Variants in CCDC141 observed in about 807,000 individuals in gnomAD.
CCDC141 encodes coiled-coil domain-containing protein 141.
A neutral mutation model predicts 181.0 loss-of-function variants in CCDC141; 168 were observed. The ratio of observed to expected loss-of-function variants is 0.93; its 90% CI spans 0.82 to 1.05. CCDC141 has a LOEUF of 1.05. Ranked by LOEUF, CCDC141 falls within the 50% of genes least tolerant of loss-of-function variation. The probability of loss-of-function intolerance (pLI) is 0.00; values close to 1 mark genes in which losing one functional copy is unlikely to be tolerated. For synonymous variants in CCDC141, 666 were observed against 642.3 expected, an observed-to-expected ratio of 1.04 and a Z score of -0.56; for missense variants, 1,902 against 1,788.5, an observed-to-expected ratio of 1.06 and a Z score of -1.14.
intron 6 of CCDC141, among the ~76,000 whole-genome samples, chr2:178,919,735 A>G (rs994149617): frequency 1.3e-5 from 2 of 152,214 alleles, no homozygotes; most frequent in East Asian, 3.8e-4. Flanking sequence ...GTCTGCCTAC[A>G]ATTACAGCTA....
intron 15 of CCDC141, among the ~76,000 whole-genome samples, chr2:178,868,627 A>AT (rs893225984): frequency 6.6e-6 from 1 of 151,098 alleles, no homozygotes; most frequent in African/African-American, 2.4e-5. Context: ...AAAAAAAAAA[A>AT]ATCTAACTTG....
intron 2 of CCDC141, among the ~76,000 whole-genome samples, chr2:179,032,111 C>T (rs1369889562): frequency 6.6e-6 from 1 of 152,054 alleles, no homozygotes; most frequent in Non-Finnish European, 1.5e-5. Context: ...GAAATTTGTA[C>T]CCTGGAAACC....
Position 179,024,415 on chromosome 2 carries a change from A to T in CCDC141, c.225+22869T>A, listed in dbSNP as rs113792007. On this transcript the variant is annotated intron_variant, in intron 2 of 23. Transcript: ENST00000443758. ...TATTCATTCATTCATTCCTTTATTC[A>T]TTCATTCCACAAACATTTGTTGTAC... is the stretch of plus-strand genomic sequence containing the variant. 8.1e-3 allele frequency among the ~76,000 whole-genome samples: 1,228 copies of T among 152,244 alleles called. 18 individuals are homozygous for T. Among genetic ancestry groups the T allele is most frequent in the African/African-American group, 0.027 (1,129 of 41,524 alleles).
chr2:178,965,284 T>C (rs1690574624), intron 4 of CCDC141, among the ~76,000 whole-genome samples: 1 of 152,184 alleles, frequency 6.6e-6, no homozygotes, highest in Admixed American at 6.5e-5. Context: ...CCACCAGGAA[T>C]GTATGCCCTA....
At chr2:179,012,412 T>C (rs1180925933) in intron 2 of CCDC141, among the ~76,000 whole-genome samples, 2 of 151,986 alleles carry the variant, frequency 1.3e-5, no homozygotes, top group Non-Finnish European at 2.9e-5. Context: ...CCTCCTACCT[T>C]AAATCAAGAA....
intron 8 of CCDC141, among the ~76,000 whole-genome samples, chr2:178,900,035 C>T (rs1038329872): frequency 3.9e-5 from 6 of 152,068 alleles, no homozygotes; most frequent in African/African-American, 1.4e-4. Context: ...CCAAAAATGT[C>T]CTTTGCCAAG....
chr2:178,870,816 G>A (rs934977111), intron 14 of CCDC141, among the ~76,000 whole-genome samples: 1 of 152,184 alleles, frequency 6.6e-6, no homozygotes, highest in Non-Finnish European at 1.5e-5. Context: ...AATGTGACTA[G>A]CAGGTGGCAA....
At chr2:178,852,552 T>C (rs1223231947) in intron 20 of CCDC141, among the ~76,000 whole-genome samples, 2 of 152,364 alleles carry the variant, frequency 1.3e-5, no homozygotes, top group African/African-American at 4.8e-5. Flanking sequence ...TGGAATATTA[T>C]GAATAATTCA....
intron 2 of CCDC141, among the ~76,000 whole-genome samples, chr2:179,033,514 G>A (rs780996928): frequency 3.3e-5 from 5 of 152,102 alleles, no homozygotes; most frequent in Non-Finnish European, 7.4e-5. Context: ...CTTCTGGACA[G>A]AATACAAAAG....
chr2:179,041,491 G>GTTT (rs35229059), intron 2 of CCDC141, among the ~76,000 whole-genome samples: 1,286 of 58,988 alleles, frequency 0.022, 93 homozygotes, highest in South Asian at 0.03. Flanking sequence ...TTGGTTGTGG[G>GTTT]TTTTTTTTTT....
chr2:178,996,925 G>A (rs1006887324), intron 2 of CCDC141, among the ~76,000 whole-genome samples: 1 of 152,196 alleles, frequency 6.6e-6, no homozygotes, highest in African/African-American at 2.4e-5. Flanking sequence ...TGGGATCAGA[G>A]GCCAGGTATG....
intron 2 of CCDC141, among the ~76,000 whole-genome samples, chr2:179,027,050 T>A (rs2042867458): frequency 6.6e-6 from 1 of 152,202 alleles, no homozygotes. Flanking sequence ...TTGCCCCACC[T>A]CAGATGAGAC....
At chr2:179,038,170 T>C (rs1382937697) in intron 2 of CCDC141, among the ~76,000 whole-genome samples, 1 of 152,214 alleles carries the variant, frequency 6.6e-6, no homozygotes, top group Non-Finnish European at 1.5e-5. Context: ...CAATGGATTA[T>C]TATTCATTAT....
At chr2:178,910,667 C>T (rs952443285) in intron 7 of CCDC141, among the ~76,000 whole-genome samples, 1 of 152,192 alleles carries the variant, frequency 6.6e-6, no homozygotes, top group African/African-American at 2.4e-5. Context: ...CCCTGAAGGC[C>T]AGAATATAGG....
chr2:179,027,646 C>CAAAAAAAAAAAAAAAAAAAAAAAAAAA (rs71023466), intron 2 of CCDC141, among the ~76,000 whole-genome samples: 9 of 53,274 alleles, frequency 1.7e-4, no homozygotes, highest in East Asian at 6.7e-4. Flanking sequence ...CTCTTACTCT[C>CAAAAAAAAAAAAAAAAAAAAAAAAAAA]AAAAAAAAAA....
chr2:178,833,520 T>A lies in CCDC141; in HGVS notation c.*653A>T, dbSNP rs1684345130. On this transcript the variant is annotated 3_prime_UTR_variant, in exon 24 of 24. Coordinates refer to ENST00000443758, the MANE Select transcript of CCDC141 (RefSeq NM_173648.4). ...GCAACCTGTGTTCCATCTTGCTGTA[T>A]GACATGCAGAGCTGACAAAAGATGG... 6.6e-6 allele frequency: 1 copy of A among 152,390 alleles called. No individual in the cohort carries two copies. 9.4% of individuals were successfully genotyped at this position (152,390 alleles called of 1,614,324 possible).
chr2:179,018,589 C>G (rs2042610042), intron 2 of CCDC141, among the ~76,000 whole-genome samples: 1 of 152,150 alleles, frequency 6.6e-6, no homozygotes, highest in Admixed American at 6.5e-5. Flanking sequence ...ACCTGTGAGC[C>G]TTCAAGTCCC....
chr2:178,954,846 A>G (rs1291943519), intron 5 of CCDC141, among the ~76,000 whole-genome samples: 2 of 152,150 alleles, frequency 1.3e-5, no homozygotes, highest in African/African-American at 4.8e-5. Context: ...CCCTTCAATG[A>G]AATGTGGTTT....
chr2:178,901,833 G>A lies in CCDC141; in HGVS notation c.1265+3496C>T, dbSNP rs577782607. Among the ~76,000 whole-genome samples, 297 of 152,212 alleles carry A rather than the reference G, an allele frequency of 2.0e-3. 6 individuals are homozygous for A. The South Asian group carries it at 0.021, about 11-fold the overall frequency. On this transcript the variant is annotated intron_variant, in intron 8 of 23. Coordinates refer to ENST00000443758, the MANE Select transcript of CCDC141 (RefSeq NM_173648.4). ...GGTCAAATTGTCCCTGTTTGCAGAC[G>A]ACATGATTGTATATCTAGAAAACCC...
Sources: allele counts gnomAD v4.1 joint callset (sites outside exome capture counted in the v4.1 genomes callset), GRCh38; gene constraint gnomAD v4.1.1; transcripts MANE v1.5; gene names NCBI Gene and HGNC (gene_info 2026-07-23, HGNC 2026-07-21).